The following SPON1 variants were observed in gnomAD, a reference collection of about 807,000 sequenced individuals.
SPON1 encodes spondin 1.
In SPON1, 52 loss-of-function variants were observed where a neutral mutation model predicts 111.7. The observed-to-expected ratio is 0.47, with a 90% confidence interval of 0.37 to 0.59. The LOEUF (loss-of-function observed/expected upper bound fraction) is 0.59. Ranked by LOEUF, SPON1 falls within the 20% of genes least tolerant of loss-of-function variation. The pLI is 0.00. For synonymous variants in SPON1, 410 were observed against 395.8 expected, an observed-to-expected ratio of 1.04 and a Z score of -0.43; for missense variants, 957 against 1,068.5, an observed-to-expected ratio of 0.90 and a Z score of 1.46.
intron 1 of SPON1, among the ~76,000 whole-genome samples, chr11:13,974,731 A>G (rs1410035698): frequency 6.6e-6 from 1 of 152,192 alleles, no homozygotes; most frequent in African/African-American, 2.4e-5. Flanking sequence ...TTCCTAAACC[A>G]TAAATCTGAA....
At chr11:14,257,080 A>T (rs1849117585) in intron 10 of SPON1, among the ~76,000 whole-genome samples, 1 of 151,972 alleles carries the variant, frequency 6.6e-6, no homozygotes, top group South Asian at 2.1e-4. Context: ...AGGGAGCGAC[A>T]GAGTCATGGT....
At chr11:14,076,637 A>G (rs906398950) in intron 4 of SPON1, among the ~76,000 whole-genome samples, 1 of 152,196 alleles carries the variant, frequency 6.6e-6, no homozygotes, top group Non-Finnish European at 1.5e-5. Flanking sequence ...GCCCTTAACC[A>G]TTGCTTTCTA....
chr11:14,045,266 T>G (rs781833702), intron 3 of SPON1, among the ~76,000 whole-genome samples: 6 of 152,128 alleles, frequency 3.9e-5, no homozygotes, highest in Non-Finnish European at 8.8e-5. Context: ...TAATAATCTG[T>G]CTTTTAAAAA....
intron 2 of SPON1, among the ~76,000 whole-genome samples, chr11:14,000,011 G>A (rs1419377347): frequency 6.6e-6 from 1 of 152,014 alleles, no homozygotes; most frequent in Non-Finnish European, 1.5e-5. Context: ...TTACCTCTTT[G>A]GAATAAAGTT....
At chr11:14,263,885 C>T (rs898506572) in intron 15 of SPON1, among the ~76,000 whole-genome samples, 2 of 151,860 alleles carry the variant, frequency 1.3e-5, no homozygotes, top group Admixed American at 1.3e-4. Flanking sequence ...AAAAATTAGC[C>T]GGGCATGGTG....
chr11:14,096,555 C>G (rs1849102748), intron 5 of SPON1, among the ~76,000 whole-genome samples: 1 of 152,272 alleles, frequency 6.6e-6, no homozygotes, highest in South Asian at 2.1e-4. Flanking sequence ...TCTCTACCTA[C>G]CCACCCACTG....
chr11:14,129,494 C>T (rs782121524), intron 5 of SPON1, among the ~76,000 whole-genome samples: 17 of 152,324 alleles, frequency 1.1e-4, no homozygotes, highest in Non-Finnish European at 2.2e-4. Context: ...TCTGAGACCA[C>T]TTCAACCTGG....
intron 6 of SPON1, among the ~76,000 whole-genome samples, chr11:14,136,423 C>T (rs1847592765): frequency 3.9e-5 from 6 of 152,234 alleles, no homozygotes; most frequent in Admixed American, 3.9e-4. Context: ...CACTGAGAGG[C>T]TGTTGCCCTC....
chr11:14,153,518 A>G (rs1304829798), intron 6 of SPON1, among the ~76,000 whole-genome samples: 1 of 152,148 alleles, frequency 6.6e-6, no homozygotes, highest in Non-Finnish European at 1.5e-5. Context: ...GGACAGCAAG[A>G]GGAAAGTCCA....
chr11:14,235,555 T>G (rs1169381010), intron 6 of SPON1, among the ~76,000 whole-genome samples: 1 of 151,354 alleles, frequency 6.6e-6, no homozygotes, highest in Non-Finnish European at 1.5e-5. Flanking sequence ...GGTAGGCACC[T>G]GTAGTCCCAG....
intron 2 of SPON1, among the ~76,000 whole-genome samples, chr11:13,992,526 A>T (rs1232815414): frequency 6.6e-6 from 1 of 151,952 alleles, no homozygotes; most frequent in Non-Finnish European, 1.5e-5. Context: ...GAGCCAGACC[A>T]CTTGGCTCCC....
intron 3 of SPON1, among the ~76,000 whole-genome samples, chr11:14,043,275 G>C (rs1169813133): frequency 6.6e-6 from 1 of 152,272 alleles, no homozygotes; most frequent in African/African-American, 2.4e-5. Context: ...CTGATTGGAG[G>C]TTCCTTGGCA....
chr11:14,050,912 A>G (rs1848702856), intron 3 of SPON1, among the ~76,000 whole-genome samples: 1 of 152,174 alleles, frequency 6.6e-6, no homozygotes, highest in Non-Finnish European at 1.5e-5. Flanking sequence ...GATTCTGAAC[A>G]CTTGCTGCAG....
chr11:14,254,500 T>C (rs1480783742), intron 7 of SPON1, 28 bp from the exon 8 acceptor site: 2 of 1,559,330 alleles, frequency 1.3e-6, no homozygotes, highest in Non-Finnish European at 1.7e-6. Flanking sequence ...AGAACTCTAA[T>C]ATAATGGTCT....
chr11:14,204,482 C>T (rs1320581565), intron 6 of SPON1, among the ~76,000 whole-genome samples: 1 of 151,836 alleles, frequency 6.6e-6, no homozygotes. Context: ...GGGACAAGGT[C>T]TCACTATGTT....
rs782209863 is a variant in SPON1, at chr11:14,259,471, G to A, written c.1663+21G>A. 1.1e-5 allele frequency: 17 copies of A among 1,595,208 alleles called. No homozygotes were observed. Among genetic ancestry groups the A allele is most frequent in the Middle Eastern group, 1.6e-4 (1 of 6,064 alleles). On this transcript the variant is annotated intron_variant, in intron 12 of 15. Transcript: ENST00000576479. This position sits in a 1 kb window ranked among gnomAD's most constrained non-coding sequence, Gnocchi z 5.0. ...GTGCTGTGAGTGGGGGCCCCGGGCGGGCAGGCGGGCAAGTAGGTCGGGGAG... is the reference window on the plus strand; with the variant it reads ...GTGCTGTGAGTGGGGGCCCCGGGCGAGCAGGCGGGCAAGTAGGTCGGGGAG...
At chr11:14,215,850 C>T (rs1484308184) in intron 6 of SPON1, among the ~76,000 whole-genome samples, 1 of 152,242 alleles carries the variant, frequency 6.6e-6, no homozygotes, top group African/African-American at 2.4e-5. Flanking sequence ...TATCTGGATC[C>T]AGCATGCTTT....
intron 5 of SPON1, among the ~76,000 whole-genome samples, chr11:14,089,688 A>T (rs1179739043): frequency 6.6e-6 from 1 of 152,006 alleles, no homozygotes; most frequent in African/African-American, 2.4e-5. Flanking sequence ...CCTTGTCAGG[A>T]TCTGCTGCAC....
intron 5 of SPON1, among the ~76,000 whole-genome samples, chr11:14,119,851 C>T (rs1316895382): frequency 6.6e-6 from 1 of 152,136 alleles, no homozygotes; most frequent in Non-Finnish European, 1.5e-5. Flanking sequence ...AATTCTAGAG[C>T]TGTACTGTCC....
Sources: gnomAD v4.1 joint callset for allele counts (sites outside exome capture counted in the v4.1 genomes callset) on GRCh38, gnomAD v4.1.1 for gene constraint, Gnocchi (gnomAD v3.1) non-coding constraint, MANE v1.5 for transcripts, NCBI Gene and HGNC (gene_info 2026-07-23, HGNC 2026-07-21) for gene names.